EPS8L2: variants seen among roughly 807,000 people sequenced by gnomAD.
The protein encoded by EPS8L2 is EPS8 signaling adaptor L2, also known as epidermal growth factor receptor kinase substrate 8-like protein 2.
In EPS8L2, 81 loss-of-function variants were observed where a neutral mutation model predicts 99.4. That is an observed-to-expected ratio of 0.82 (90% CI 0.68 to 0.98). The LOEUF (loss-of-function observed/expected upper bound fraction) is 0.98. Among genes scored for constraint, EPS8L2 ranks in the 50% least tolerant of loss-of-function variants. EPS8L2 has a pLI of 0.00. For synonymous variants in EPS8L2, 509 were observed against 407.3 expected (o/e 1.25, Z -3.01); for missense variants, 1,155 against 968.8 (o/e 1.19, Z -2.55).
At chr11:720,979 CCGGCAGGGGA>C in intron 7 of EPS8L2, 70 bp downstream of exon 7, 1 of 1,303,872 alleles carries the variant, frequency 7.7e-7, no homozygotes, top group Non-Finnish European at 1.0e-6. Context: ...AGGGGAGGAG[CCGGCAGGGGA>C]GGGGAGGAGC....
intron 4 of EPS8L2, among the ~76,000 whole-genome samples, 187 bp from the exon 5 acceptor site, chr11:719,875 T>C (rs1310140915): frequency 6.6e-6 from 1 of 152,018 alleles, no homozygotes; most frequent in East Asian, 1.9e-4. Flanking sequence ...GACACAAGCA[T>C]GGCCCCTACA....
In EPS8L2 at chr11:720,750, AGGCGGTGCCG is replaced by A. The variant is rs767652699; in HGVS notation, c.477+10_477+19del. The A allele has an allele frequency of 6.0e-6, 8 of 1,328,736 alleles. No homozygotes were observed. Among genetic ancestry groups the A allele is most frequent in the Admixed American group, 4.3e-5 (2 of 46,182 alleles). 82.3% of individuals were successfully genotyped at this position (1,328,736 alleles called of 1,614,324 possible). ...CTTCCACTGCGATGAGGTGGAGGTG[AGGCGGTGCCG>A]GGCGGGGCAGGGTGGGGCCCCGCCG... On this transcript the variant is annotated splice_donor_5th_base_variant and intron_variant, in intron 6 of 20. Transcript: ENST00000318562.
intron 1 of EPS8L2, chr11:706,500 G>C (rs1445604562): frequency 6.6e-6 from 1 of 152,390 alleles, no homozygotes; most frequent in African/African-American, 2.4e-5. Flanking sequence ...GCTGCAGCCC[G>C]GCCTGCCCCC....
At chr11:721,712 GC>G (rs1230165371) in intron 10 of EPS8L2, 21 bp downstream of exon 10, 3 of 1,587,058 alleles carry the variant, frequency 1.9e-6, no homozygotes, top group Non-Finnish European at 2.6e-6. Flanking sequence ...CAGGGACGGG[GC>G]CGGCAGGTGC....
At chr11:725,698 GT>G (rs1255497902) in intron 16 of EPS8L2, 29 bp from the exon 17 acceptor site, 3 of 1,308,558 alleles carry the variant, frequency 2.3e-6, no homozygotes, top group Non-Finnish European at 1.9e-6. Context: ...GAGCCTGGGT[GT>G]GGGGAGGGGC....
rs1404001039 is a variant in EPS8L2 at position 725,744 on chromosome 11, G to A, written c.1577G>A (p.Arg526Gln). Residue 526 changes from arginine to glutamine, a missense_variant, in exon 17 of 21, where the codon CGG (arginine) becomes CAG (glutamine). Transcript: ENST00000318562. ...GCCCCGCAGGTGCTGGAGGACGGCCGGCAGTGGTGGAAGCTGCGCAGCCGC... is the reference window on the plus strand; with the variant it reads ...GCCCCGCAGGTGCTGGAGGACGGCCAGCAGTGGTGGAAGCTGCGCAGCCGC... The part of the protein sequence containing the change: ...DEVLEVLEDG[R>Q]QWWKLRSRSG... 7.5e-7 allele frequency: 1 copy of A among 1,329,588 alleles called. No individual in the cohort carries two copies. The highest frequency in any genetic ancestry group is 9.6e-7 in the Non-Finnish European group (1 of 1,041,554). The allele number at this position is 1,329,588 out of a possible 1,614,324, so 82.4% of individuals were successfully genotyped here. A position where few individuals can be genotyped will look rare whatever the true frequency, so the allele number is the denominator to read the frequency against.
chr11:726,655 G>C lies in EPS8L2; in HGVS notation c.1971G>C (p.Gln657His), dbSNP rs1015712380. 7.0e-6 allele frequency: 11 copies of C among 1,561,344 alleles called. No individual in the cohort carries two copies. Among genetic ancestry groups the C allele is most frequent in the Non-Finnish European group, 9.5e-6 (11 of 1,153,430 alleles). The stretch of plus-strand genomic sequence containing the variant: ...ACCTGGGCATCCTGACCGGGCCGCA[G>C]CTCTTCTCCCTCAACAAGGAGGAGC... ...VENLGILTGP[Q>H]LFSLNKEELK... The change falls in exon 20 of 21, where the codon CAG becomes CAC. Residue 657 changes from glutamine (Q) to histidine (H), a missense_variant. Physicochemically the swap from Gln to His is conservative, Grantham distance 24. Coordinates refer to ENST00000318562, the MANE Select transcript of EPS8L2 (RefSeq NM_022772.4).
At position 726,935 on chromosome 11, in the gene EPS8L2, T is replaced by C; in HGVS notation, c.2102T>C (p.Met701Thr). The change falls in exon 21 of 21, where the codon ATG (methionine) becomes ACG (threonine). Residue 701 changes from methionine to threonine, a missense_variant. Met to Thr is a moderately conservative substitution (Grantham distance 81). Transcript: ENST00000318562. ...AGTGGGTCGGAGCTGGAAGAACTCA[T>C]GAACAAGTTTCATTCCATGAATCAG... is the stretch of plus-strand genomic sequence containing the variant. Reference protein sequence around the residue: ...QQSGSELEELMNKFHSMNQRR... With the variant: ...QQSGSELEELTNKFHSMNQRR... The C allele has an allele frequency of 1.2e-6, 2 of 1,613,410 alleles. No individual in the cohort carries two copies. The highest frequency in any genetic ancestry group is 1.7e-6 in the Non-Finnish European group (2 of 1,179,926).
rs779909774 is a variant in EPS8L2, at chr11:720,881, G to GGC, written c.530_531dup (p.Lys178AlafsTer9). ...GAGCGCGTTGGCCGACTGCCGGCTGGGCAAGAAGATGCGGCCGCAGACCCT... is the reference window on the plus strand; with the variant it reads ...GAGCGCGTTGGCCGACTGCCGGCTGGGCGCAAGAAGATGCGGCCGCAGACCCT... On this transcript the variant is annotated frameshift_variant, in exon 7 of 21. Coordinates refer to ENST00000318562, the MANE Select transcript of EPS8L2 (RefSeq NM_022772.4). LOFTEE classifies it high-confidence loss of function. 8.6e-6 allele frequency: 13 copies of GGC among 1,518,228 alleles called. No homozygotes were observed. The Admixed American group carries it at 2.4e-4, about 28-fold the overall frequency. The allele number at this position is 1,518,228 out of a possible 1,614,324, so 94.0% of individuals were successfully genotyped here.
chr11:709,812 G>C, intron 3 of EPS8L2: 1 of 610,624 alleles, frequency 1.6e-6, no homozygotes, highest in African/African-American at 1.8e-5. Context: ...TAAGGGGAGA[G>C]GCCTTTACTA....
intron 4 of EPS8L2, among the ~76,000 whole-genome samples, chr11:715,152 G>C (rs971607021): frequency 1.3e-5 from 2 of 151,964 alleles, no homozygotes; most frequent in Non-Finnish European, 2.9e-5. Context: ...TGAGGCAGGA[G>C]AATGGCGTGA....
intron 3 of EPS8L2, chr11:710,060 G>A: frequency 2.7e-6 from 1 of 364,068 alleles, no homozygotes; most frequent in South Asian, 2.9e-5. Context: ...AGACCTGGGA[G>A]GGCAGGGAGA....
intron 4 of EPS8L2, among the ~76,000 whole-genome samples, chr11:714,693 T>C (rs1475439877): frequency 6.6e-6 from 1 of 151,420 alleles, no homozygotes; most frequent in Non-Finnish European, 1.5e-5. Flanking sequence ...TGAGACAGTC[T>C]CAATGTACTG....
At chr11:712,515 G>A (rs868811808) in intron 4 of EPS8L2, among the ~76,000 whole-genome samples, 7 of 152,142 alleles carry the variant, frequency 4.6e-5, no homozygotes, top group South Asian at 2.1e-4. Context: ...CTGGGCTTCC[G>A]GTTGTGGTCC....
rs199720684 is a variant in EPS8L2 at position 722,085 on chromosome 11, C to T, written c.985-6C>T. The T allele has an allele frequency of 5.0e-6, 8 of 1,612,988 alleles. No homozygotes were observed. The highest frequency in any genetic ancestry group is 1.3e-5 in the African/African-American group (1 of 75,040). ...CCGGCACCTGCTCACTTGTTCCCAC[C>T]CCCAGGCAAAGCTGCAGAAGCACAT... On this transcript the variant is annotated splice_region_variant and splice_polypyrimidine_tract_variant and intron_variant, in intron 11 of 20. Coordinates refer to ENST00000318562, the MANE Select transcript of EPS8L2 (RefSeq NM_022772.4).
At chr11:716,953 T>C (rs1862041414) in intron 4 of EPS8L2, among the ~76,000 whole-genome samples, 1 of 152,178 alleles carries the variant, frequency 6.6e-6, no homozygotes, top group African/African-American at 2.4e-5. Flanking sequence ...CATAGTCCCT[T>C]GCGTGTTTCT....
chr11:721,091 GC>G lies in EPS8L2; in HGVS notation c.586del (p.Gln196SerfsTer57). 1 of 1,512,114 alleles carries G rather than the reference GC, an allele frequency of 6.6e-7. No individual in the cohort carries two copies. Among genetic ancestry groups the G allele is most frequent in the Non-Finnish European group, 8.8e-7 (1 of 1,131,296 alleles). The allele number at this position is 1,512,114 out of a possible 1,614,324, so 93.7% of individuals were successfully genotyped here. ...GACACCAGGAGAAGATTCGGCAGCG[GC>G]AGTCCATCCTGCCTCCTCCCCAGGG... ...KGHQEKIRQRQSILPPPQGPA... is the reference protein window; with the variant it reads ...KGHQEKIRQRXSILPPPQGPA... On this transcript the variant is annotated frameshift_variant, in exon 8 of 21. Transcript: ENST00000318562. LOFTEE classifies it high-confidence loss of function.
chr11:721,579 C>T lies in EPS8L2; in HGVS notation c.783C>T (p.Cys261=), dbSNP rs543575638. 214 of 1,563,334 alleles carry T rather than the reference C, an allele frequency of 1.4e-4. 2 individuals are homozygous for T. The East Asian group carries it at 4.0e-3, about 29-fold the overall frequency. The change falls in exon 10 of 21, where the codon TGC becomes TGT. Residue 261 remains cysteine, a synonymous_variant. Transcript: ENST00000318562. ...TCTGACCCCAGCAAATCCTCAACTG[C>T]GCCCTGGACGACATCGAGTGGTTTG... ...KIEKETQILN[C]ALDDIEWFVA...
At chr11:721,452 C>T (rs1327641057) in intron 9 of EPS8L2, 100 bp downstream of exon 9, 3 of 1,488,918 alleles carry the variant, frequency 2.0e-6, no homozygotes, top group Non-Finnish European at 2.7e-6. Flanking sequence ...CCTGTGGCTG[C>T]CCCTCCGAAG....
Sources: gnomAD v4.1 joint callset for allele counts (sites outside exome capture counted in the v4.1 genomes callset) on GRCh38, gnomAD v4.1.1 for gene constraint, MANE v1.5 for transcripts, NCBI Gene and HGNC (gene_info 2026-07-23, HGNC 2026-07-21) for gene names.